The following CDK13 variants were observed in gnomAD, a reference collection of about 807,000 sequenced individuals.
The protein encoded by CDK13 is cyclin-dependent kinase 13.
CDK13 carries 40 observed loss-of-function variants against 137.6 expected under a neutral mutation model. The ratio of observed to expected loss-of-function variants is 0.29; its 90% CI spans 0.23 to 0.38. The LOEUF is 0.38. Ranked by LOEUF, CDK13 falls within the 10% of genes least tolerant of loss-of-function variation. The pLI, the probability that CDK13 is intolerant of heterozygous loss-of-function variation, is 1.00. For synonymous variants in CDK13, 869 were observed against 760.1 expected (o/e 1.14, Z -2.36); for missense variants, 1,704 against 1,951.8 (o/e 0.87, Z 2.39).
chr7:39,964,714 T>C (rs993967019), intron 1 of CDK13, among the ~76,000 whole-genome samples: 4 of 152,136 alleles, frequency 2.6e-5, no homozygotes, highest in African/African-American at 9.7e-5. Flanking sequence ...AGTTGTAATG[T>C]TAGGGTGTCA....
At chr7:40,044,783 T>C (rs549781925) in intron 5 of CDK13, among the ~76,000 whole-genome samples, 2 of 151,952 alleles carry the variant, frequency 1.3e-5, no homozygotes, top group Non-Finnish European at 1.5e-5. Flanking sequence ...ACTACAGGCA[T>C]CCACCACCAT....
chr7:40,096,302 A>G lies in CDK13; in HGVS notation c.*1322A>G, dbSNP rs1787045874. ...CCTGTCACATTCTGTAAAGTTGATT[A>G]TGACTTCTGCCAGACTTAGAGCAAC... On this transcript the variant is annotated 3_prime_UTR_variant, in exon 14 of 14. Coordinates refer to ENST00000181839, the MANE Select transcript of CDK13 (RefSeq NM_003718.5). The G allele has an allele frequency of 1.3e-5, 2 of 152,178 alleles. No homozygotes were observed. Among genetic ancestry groups the G allele is most frequent in the South Asian group, 4.1e-4 (2 of 4,834 alleles). The allele number at this position is 152,178 out of a possible 1,614,324, so 9.4% of individuals were successfully genotyped here.
chr7:39,990,515 T>G (rs1784434996), intron 2 of CDK13, among the ~76,000 whole-genome samples: 4 of 152,238 alleles, frequency 2.6e-5, no homozygotes, highest in Admixed American at 2.6e-4. Context: ...TAAATAAAAA[T>G]GTATTGTAAA....
chr7:40,033,600 T>C (rs1785423688), intron 5 of CDK13, among the ~76,000 whole-genome samples: 1 of 152,176 alleles, frequency 6.6e-6, no homozygotes, highest in African/African-American at 2.4e-5. Flanking sequence ...GGCCAAAATT[T>C]CCTCTAGTGT....
rs182184722 is a variant in CDK13 at position 40,047,986 on chromosome 7, C to T, written c.2600+109C>T. 3 of 703,380 alleles carry T rather than the reference C, an allele frequency of 4.3e-6. No individual in the cohort carries two copies. In the East Asian group the frequency reaches 7.6e-5, roughly 18 times the overall value. 43.6% of individuals were successfully genotyped at this position (703,380 alleles called of 1,614,324 possible). A position where few individuals can be genotyped will look rare whatever the true frequency, so the allele number is the denominator to read the frequency against. The stretch of plus-strand genomic sequence containing the variant: ...TTTTTTAAAAGAGAAGTTTACTTTT[C>T]ATGGTTAGTACATAAAACATTGAAA... On this transcript the variant is annotated intron_variant, in intron 7 of 13. Transcript: ENST00000181839.
At chr7:40,039,887 T>C (rs1050051410) in intron 5 of CDK13, among the ~76,000 whole-genome samples, 7 of 152,334 alleles carry the variant, frequency 4.6e-5, no homozygotes, top group Non-Finnish European at 1.0e-4. Flanking sequence ...TTTCTTGGTA[T>C]AAATTATTTC....
chr7:40,094,977 C>T lies in CDK13; in HGVS notation c.4536C>T (p.Tyr1512=), dbSNP rs879519632. Residue 1512 remains tyrosine (Y), a synonymous_variant, in exon 14 of 14, where the codon TAC becomes TAT. Coordinates refer to ENST00000181839, the MANE Select transcript of CDK13 (RefSeq NM_003718.5). Reference sequence around the variant, plus strand: ...GAGGCAGAGGCAGAGGGTTACCATACTGAGTATCTGTTTTTCCTCAGGCAC... The same window carrying T: ...GAGGCAGAGGCAGAGGGTTACCATATTGAGTATCTGTTTTTCCTCAGGCAC... ...TGRGRGRGLP[Y] is the part of the protein sequence containing the mutation. 5.1e-6 allele frequency: 7 copies of T among 1,377,504 alleles called. No homozygotes were observed. Among genetic ancestry groups the T allele is most frequent in the Non-Finnish European group, 6.6e-6 (7 of 1,061,118 alleles). The allele number at this position is 1,377,504 out of a possible 1,614,324, so 85.3% of individuals were successfully genotyped here.
intron 1 of CDK13, among the ~76,000 whole-genome samples, chr7:39,958,540 A>G (rs1787497372): frequency 6.6e-6 from 1 of 152,102 alleles, no homozygotes; most frequent in South Asian, 2.1e-4. Context: ...GGGATGTATG[A>G]TTTTTCCATA....
Position 40,042,904 on chromosome 7 carries a change from A to G in CDK13, c.2354-2932A>G, listed in dbSNP as rs943135290. Among the ~76,000 whole-genome samples, 8 of 151,978 alleles carry G rather than the reference A, an allele frequency of 5.3e-5. No homozygotes were observed. The South Asian group carries it at 6.2e-4, about 12-fold the overall frequency. ...GTAGTCCTCCTGCCTCAGCCCCCCA[A>G]GTAGCTAGAATTACAGGTGTGCACT... is the stretch of plus-strand genomic sequence containing the variant. On this transcript the variant is annotated intron_variant, in intron 5 of 13. Coordinates refer to ENST00000181839, the MANE Select transcript of CDK13 (RefSeq NM_003718.5).
chr7:39,952,777 GT>G, intron 1 of CDK13: 1 of 152,258 alleles, frequency 6.6e-6, no homozygotes, highest in Middle Eastern at 3.4e-3. Flanking sequence ...TCTTTAAAAG[GT>G]GTAATTTAAT....
At chr7:40,044,809 T>G (rs563247266) in intron 5 of CDK13, among the ~76,000 whole-genome samples, 1 of 152,238 alleles carries the variant, frequency 6.6e-6, no homozygotes, top group Admixed American at 6.5e-5. Flanking sequence ...GCTAATTTTT[T>G]GTATATTTAT....
At chr7:40,003,206 A>ACTCTCTCTCTCTCTCTCTCT (rs144732307) in intron 5 of CDK13, among the ~76,000 whole-genome samples, 6 of 79,894 alleles carry the variant, frequency 7.5e-5, no homozygotes, top group African/African-American at 2.8e-4. Flanking sequence ...ACACACACAC[A>ACTCTCTCTCTCTCTCTCTCT]CTCTCTCTCT....
At chr7:40,038,023 A>G (rs1317621935) in intron 5 of CDK13, among the ~76,000 whole-genome samples, 3 of 152,070 alleles carry the variant, frequency 2.0e-5, no homozygotes, top group Admixed American at 1.3e-4. Context: ...TTAATAATGT[A>G]TTTTAATTAT....
intron 2 of CDK13, among the ~76,000 whole-genome samples, chr7:39,994,124 ACC>A (rs1784515510): frequency 6.6e-6 from 1 of 151,830 alleles, no homozygotes; most frequent in Admixed American, 6.6e-5. Context: ...AGGGATGTTG[ACC>A]TTTGCTTCTC....
intron 7 of CDK13, chr7:40,049,017 A>T (rs1785816096): frequency 6.6e-6 from 1 of 150,696 alleles, no homozygotes. Flanking sequence ...CAGCCTGGCC[A>T]ACATGGTGAA....
In CDK13 at chr7:39,951,170, A is replaced by G. The variant is rs1322716212; in HGVS notation, c.529A>G (p.Ser177Gly). 12 of 1,243,124 alleles carry G rather than the reference A, an allele frequency of 9.7e-6. No individual in the cohort carries two copies. In the East Asian group the frequency reaches 3.2e-4, roughly 33 times the overall value. 77.0% of individuals were successfully genotyped at this position (1,243,124 alleles called of 1,614,324 possible). The stretch of plus-strand genomic sequence containing the variant: ...GACGGCTGCCGGGGGAACGGGGGGC[A>G]GCGGCGGGAGTCCGGCCTCCTCCTC... The part of the protein sequence containing the change: ...AATAAGGTGG[S>G]GGSPASSSGT... The change falls in exon 1 of 14, where the codon AGC (serine) becomes GGC (glycine). Residue 177 changes from serine (S) to glycine (G), a missense_variant. Coordinates refer to ENST00000181839, the MANE Select transcript of CDK13 (RefSeq NM_003718.5).
chr7:40,024,241 A>C (rs1584002959), intron 5 of CDK13, among the ~76,000 whole-genome samples: 1 of 152,034 alleles, frequency 6.6e-6, no homozygotes, highest in South Asian at 2.1e-4. Context: ...CCCTACCCAC[A>C]TATTTCCTGT....
At chr7:39,978,268 C>G (rs1381701166) in intron 1 of CDK13, among the ~76,000 whole-genome samples, 1 of 152,146 alleles carries the variant, frequency 6.6e-6, no homozygotes, top group Non-Finnish European at 1.5e-5. Context: ...GTAGAAATAG[C>G]TAGGAAGTGC....
intron 1 of CDK13, among the ~76,000 whole-genome samples, chr7:39,968,244 C>T (rs551178816): frequency 2.1e-4 from 32 of 152,166 alleles, no homozygotes; most frequent in Non-Finnish European, 3.7e-4. Context: ...GATTCCATCC[C>T]TTTGTTTATT....
Sources: gnomAD v4.1 joint callset for allele counts (sites outside exome capture counted in the v4.1 genomes callset) on GRCh38, gnomAD v4.1.1 for gene constraint, MANE v1.5 for transcripts, NCBI Gene and HGNC (gene_info 2026-07-23, HGNC 2026-07-21) for gene names.